The following CREM variants were observed in gnomAD, a reference collection of about 807,000 sequenced individuals.
CREM encodes cAMP-responsive element modulator.
CREM carries 13 observed loss-of-function variants against 37.3 expected under a neutral mutation model. That is an observed-to-expected ratio of 0.35 (90% CI 0.23 to 0.55). The LOEUF is 0.55. Among genes scored for constraint, CREM ranks in the 20% least tolerant of loss-of-function variants. The probability of loss-of-function intolerance (pLI) is 0.88; values close to 1 mark genes in which losing one functional copy is unlikely to be tolerated. For synonymous variants in CREM, 124 were observed against 120.2 expected (o/e 1.03, Z -0.21); for missense variants, 296 against 362.3 (o/e 0.82, Z 1.49).
rs140243641 is a variant in CREM, at chr10:35,167,760, G to A, written c.169-11129G>A. The stretch of plus-strand genomic sequence containing the variant: ...CATCAGCATAATCTATGTTTCAGGC[G>A]TCCTATAGAAGAGGATTATTCTTCA... On this transcript the variant is annotated intron_variant, in intron 3 of 7. Transcript: ENST00000685392. The A allele has an allele frequency of 1.5e-4, 244 of 1,614,004 alleles. 1 individual carries two copies. The African/African-American group carries it at 2.5e-3, about 17-fold the overall frequency.
At chr10:35,179,041 AT>A in intron 4 of CREM, 55 bp downstream of exon 4, 1 of 1,544,532 alleles carries the variant, frequency 6.5e-7, no homozygotes, top group African/African-American at 1.4e-5. Context: ...TGGTAGAATA[AT>A]TATACATCAA....
At chr10:35,141,117 ATTATTTT>A in intron 2 of CREM, among the ~76,000 whole-genome samples, 1 of 152,282 alleles carries the variant, frequency 6.6e-6, no homozygotes, top group Non-Finnish European at 1.5e-5. Flanking sequence ...AGAAGAACTA[ATTATTTT>A]TTATTTTTTG....
At chr10:35,147,348 C>T (rs35133865) in intron 2 of CREM, among the ~76,000 whole-genome samples, 20,656 of 151,972 alleles carry the variant, frequency 0.14, 1,597 homozygotes, top group South Asian at 0.2. Context: ...CCACCGTGCC[C>T]GGCCTCTATA....
chr10:35,165,004 G>A (rs1406442674), intron 3 of CREM, among the ~76,000 whole-genome samples: 1 of 138,992 alleles, frequency 7.2e-6, no homozygotes, highest in Admixed American at 7.7e-5. Flanking sequence ...GTTGCAGTAA[G>A]CCAGATTGCA....
chr10:35,187,162 A>AAATATAT (rs2094656382), intron 5 of CREM, among the ~76,000 whole-genome samples: 2 of 59,666 alleles, frequency 3.4e-5, no homozygotes, highest in Non-Finnish European at 6.4e-5. Context: ...TATAATATAT[A>AAATATAT]TTATATATTA....
chr10:35,178,735 G>C, intron 3 of CREM, 154 bp from the exon 4 acceptor site: 1 of 545,586 alleles, frequency 1.8e-6, no homozygotes, highest in South Asian at 3.1e-5. Flanking sequence ...TCTTGAGCCA[G>C]ACTCCTTCAG....
intron 7 of CREM, chr10:35,209,378 A>G (rs2095614118): frequency 2.0e-6 from 2 of 985,074 alleles, no homozygotes; most frequent in African/African-American, 1.7e-5. Flanking sequence ...AGACACATGC[A>G]AGCCTGAAAA....
intron 3 of CREM, among the ~76,000 whole-genome samples, chr10:35,169,965 C>CTTTTTT (rs71033381): frequency 7.4e-6 from 1 of 135,550 alleles, no homozygotes; most frequent in Non-Finnish European, 1.6e-5. Flanking sequence ...GGTGGAGAAG[C>CTTTTTT]TTTTTTTTTT....
chr10:35,166,564 C>CAAA (rs34348266), intron 3 of CREM, among the ~76,000 whole-genome samples: 19,012 of 131,646 alleles, frequency 0.14, 1,398 homozygotes, highest in South Asian at 0.21. Context: ...GAGTCTGTAT[C>CAAA]AAAAAAAAAA....
chr10:35,196,988 G>A (rs2095209849), intron 6 of CREM, among the ~76,000 whole-genome samples: 2 of 149,684 alleles, frequency 1.3e-5, no homozygotes, highest in South Asian at 4.2e-4. Context: ...TCCTGCCTCA[G>A]CCTCCTAAGT....
At chr10:35,193,847 C>A (rs796168325) in intron 6 of CREM, among the ~76,000 whole-genome samples, 12 of 152,078 alleles carry the variant, frequency 7.9e-5, no homozygotes, top group African/African-American at 2.9e-4. Flanking sequence ...CACCTGTAAT[C>A]CCAGCACTTT....
At chr10:35,202,345 G>C (rs961867326) in intron 6 of CREM, among the ~76,000 whole-genome samples, 1 of 152,130 alleles carries the variant, frequency 6.6e-6, no homozygotes, top group African/African-American at 2.4e-5. Flanking sequence ...AGCTAACTAA[G>C]ATAAATACTT....
At chr10:35,136,236 C>A (rs1252822137) in intron 1 of CREM, among the ~76,000 whole-genome samples, 1 of 152,104 alleles carries the variant, frequency 6.6e-6, no homozygotes, top group Non-Finnish European at 1.5e-5. Context: ...AGAAATTGGC[C>A]TTTTTTCTAT....
At chr10:35,158,817 G>GTTTTTTTT (rs1491230780) in intron 3 of CREM, among the ~76,000 whole-genome samples, 1 of 65,044 alleles carries the variant, frequency 1.5e-5, no homozygotes, top group African/African-American at 4.6e-5. Context: ...TTGTTGTTTT[G>GTTTTTTTT]TTTGTTTTTT....
intron 3 of CREM, chr10:35,175,763 G>A (rs1160421441): frequency 1.2e-6 from 2 of 1,613,900 alleles, no homozygotes; most frequent in African/African-American, 2.7e-5. Flanking sequence ...AAGTAGGCCA[G>A]TCATATTAGT....
At chr10:35,131,617 G>C (rs530450374) in intron 1 of CREM, among the ~76,000 whole-genome samples, 2 of 152,232 alleles carry the variant, frequency 1.3e-5, no homozygotes, top group East Asian at 3.9e-4. Context: ...ATTTCTGGAG[G>C]AGTAAAATTA....
intron 3 of CREM, among the ~76,000 whole-genome samples, chr10:35,170,816 A>G (rs1455347107): frequency 3.3e-5 from 5 of 152,124 alleles, no homozygotes; most frequent in East Asian, 3.8e-4. Flanking sequence ...AGTTTAACCT[A>G]TTAACTCTAC....
chr10:35,127,487 G>A (rs2088075468), intron 1 of CREM: 3 of 152,300 alleles, frequency 2.0e-5, no homozygotes, highest in Admixed American at 6.5e-5. Context: ...GCGAACTTGG[G>A]ACGAGTTGGA....
At chr10:35,176,304 C>G (rs190020879) in intron 3 of CREM, among the ~76,000 whole-genome samples, 2 of 152,070 alleles carry the variant, frequency 1.3e-5, no homozygotes, top group African/African-American at 2.4e-5. Flanking sequence ...TAGCAATGCT[C>G]CCCAAGGGTG....
Sources: gnomAD v4.1 joint callset for allele counts (sites outside exome capture counted in the v4.1 genomes callset) on GRCh38, gnomAD v4.1.1 for gene constraint, MANE v1.5 for transcripts, NCBI Gene and HGNC (gene_info 2026-07-23, HGNC 2026-07-21) for gene names.